DGKI: variants seen among roughly 807,000 people sequenced by gnomAD.
DGKI encodes the protein DAG kinase iota.
In DGKI, 55 loss-of-function variants were observed where a neutral mutation model predicts 147.5. The ratio of observed to expected loss-of-function variants is 0.37; its 90% confidence interval spans 0.30 to 0.47. The LOEUF is 0.47. Among genes scored for constraint, DGKI ranks in the 20% least tolerant of loss-of-function variants. The probability of loss-of-function intolerance (pLI) is 1.00; values close to 1 mark genes in which losing one functional copy is unlikely to be tolerated. For synonymous variants in DGKI, 469 were observed against 477.1 expected (o/e 0.98, Z 0.22); for missense variants, 1,007 against 1,323.8 (o/e 0.76, Z 3.71).
At chr7:137,580,665 T>A (rs1352875341) in intron 15 of DGKI, among the ~76,000 whole-genome samples, 1 of 152,136 alleles carries the variant, frequency 6.6e-6, no homozygotes, top group East Asian at 1.9e-4. Context: ...ACTTTAAAGA[T>A]CTGTTCCTTA....
chr7:137,691,810 T>TTTTTTTTTTTTG (rs1563152846), intron 1 of DGKI, among the ~76,000 whole-genome samples: 19 of 137,214 alleles, frequency 1.4e-4, no homozygotes, highest in Middle Eastern at 7.0e-3. Context: ...TTTTTTTTTT[T>TTTTTTTTTTTTG]TTTTTTTTTT....
At chr7:137,843,117 A>T (rs1264338426) in intron 1 of DGKI, among the ~76,000 whole-genome samples, 1 of 152,230 alleles carries the variant, frequency 6.6e-6, no homozygotes, top group Non-Finnish European at 1.5e-5. Context: ...CAGGACTGTC[A>T]CAAAGATTAA....
chr7:137,596,507 A>T (rs1282046247), intron 12 of DGKI, among the ~76,000 whole-genome samples: 1 of 152,220 alleles, frequency 6.6e-6, no homozygotes, highest in African/African-American at 2.4e-5. Context: ...TGATCTCCCT[A>T]GAACACTAAA....
intron 21 of DGKI, among the ~76,000 whole-genome samples, chr7:137,520,398 C>T (rs761675629): frequency 2.0e-5 from 3 of 152,120 alleles, no homozygotes; most frequent in Non-Finnish European, 4.4e-5. Flanking sequence ...CACTTCCCAT[C>T]GCAAAAATAT....
intron 1 of DGKI, among the ~76,000 whole-genome samples, chr7:137,745,807 T>C (rs1165960307): frequency 6.6e-6 from 1 of 152,176 alleles, no homozygotes; most frequent in Admixed American, 6.5e-5. Context: ...CTGAGGTTAC[T>C]AAGATCTACA....
intron 20 of DGKI, among the ~76,000 whole-genome samples, chr7:137,530,114 G>T (rs570890585): frequency 6.6e-6 from 1 of 152,166 alleles, no homozygotes; most frequent in South Asian, 2.1e-4. Flanking sequence ...ACAACTCATT[G>T]CCCCAGAAAC....
At chr7:137,785,441 A>C (rs1311509369) in intron 1 of DGKI, among the ~76,000 whole-genome samples, 1 of 152,114 alleles carries the variant, frequency 6.6e-6, no homozygotes, top group Non-Finnish European at 1.5e-5. Context: ...AGAATCTCTG[A>C]ACAGACCAAT....
At chr7:137,501,995 C>T (rs1228816479) in intron 21 of DGKI, among the ~76,000 whole-genome samples, 1 of 152,130 alleles carries the variant, frequency 6.6e-6, no homozygotes, top group Non-Finnish European at 1.5e-5. Context: ...TGGGAGTTTG[C>T]CTGCACAAGC....
chr7:137,491,637 C>A (rs376113858), intron 21 of DGKI, among the ~76,000 whole-genome samples: 1 of 152,210 alleles, frequency 6.6e-6, no homozygotes, highest in Non-Finnish European at 1.5e-5. Context: ...AATTCTTGTA[C>A]TCCAAGGAGT....
chr7:137,581,630 C>G (rs1365355291), intron 15 of DGKI, among the ~76,000 whole-genome samples: 1 of 151,980 alleles, frequency 6.6e-6, no homozygotes, highest in Admixed American at 6.6e-5. Context: ...CCCTGGACAA[C>G]TAGGTCTCAG....
intron 21 of DGKI, among the ~76,000 whole-genome samples, chr7:137,488,960 G>A (rs1815666224): frequency 6.6e-6 from 1 of 152,080 alleles, no homozygotes; most frequent in Admixed American, 6.6e-5. Flanking sequence ...AGAACATGAA[G>A]CCTCACTTGA....
intron 1 of DGKI, among the ~76,000 whole-genome samples, chr7:137,822,194 G>A (rs1308048394): frequency 6.6e-6 from 1 of 152,098 alleles, no homozygotes; most frequent in Non-Finnish European, 1.5e-5. Flanking sequence ...ATCACCTGAG[G>A]TCAGGAGTTC....
intron 30 of DGKI, among the ~76,000 whole-genome samples, chr7:137,406,658 A>C (rs934440809): frequency 2.0e-5 from 3 of 152,226 alleles, no homozygotes; most frequent in Non-Finnish European, 4.4e-5. Context: ...TGTTTACTAT[A>C]AACAATTGGC....
At chr7:137,565,389 C>A (rs1298012257) in intron 19 of DGKI, among the ~76,000 whole-genome samples, 1 of 151,982 alleles carries the variant, frequency 6.6e-6, no homozygotes, top group East Asian at 1.9e-4. Flanking sequence ...TACTTTAATT[C>A]TTATGTATAT....
chr7:137,628,843 G>C (rs1229973736), intron 6 of DGKI, among the ~76,000 whole-genome samples: 1 of 152,052 alleles, frequency 6.6e-6, no homozygotes, highest in East Asian at 1.9e-4. Context: ...CTGTCATCTA[G>C]GGCAGGTACC....
intron 1 of DGKI, among the ~76,000 whole-genome samples, chr7:137,801,123 C>A (rs80290488): frequency 1.3e-5 from 2 of 152,246 alleles, no homozygotes; most frequent in Non-Finnish European, 2.9e-5. Flanking sequence ...TCTTGTACTT[C>A]TCTTCCTATC....
intron 8 of DGKI, among the ~76,000 whole-genome samples, chr7:137,619,242 A>G (rs968052689): frequency 2.0e-5 from 3 of 152,216 alleles, no homozygotes; most frequent in Non-Finnish European, 2.9e-5. Flanking sequence ...ACTGAGGTGG[A>G]TACTCACAAG....
chr7:137,612,221 CTT>C (rs551204704), intron 8 of DGKI, among the ~76,000 whole-genome samples: 10 of 113,952 alleles, frequency 8.8e-5, no homozygotes, highest in East Asian at 2.5e-4. Flanking sequence ...ACAAAACGGG[CTT>C]TTTTTTTTTT....
intron 5 of DGKI, among the ~76,000 whole-genome samples, chr7:137,650,987 T>C (rs997090809): frequency 6.6e-6 from 1 of 152,146 alleles, no homozygotes; most frequent in Non-Finnish European, 1.5e-5. Context: ...TGGAGGTGGC[T>C]GGAAGGGCAG....
Sources: gnomAD v4.1 joint callset for allele counts (sites outside exome capture counted in the v4.1 genomes callset) on GRCh38, gnomAD v4.1.1 for gene constraint, MANE v1.5 for transcripts, NCBI Gene and HGNC (gene_info 2026-07-23, HGNC 2026-07-21) for gene names.